Variants in BLTP1 observed in about 807,000 individuals in gnomAD.
BLTP1 encodes bridge-like lipid transfer protein family member 1, also known as fragile site-associated protein.
the BLTP1 span, among the ~76,000 whole-genome samples, chr4:122,260,613 C>T: frequency 6.6e-6 from 1 of 151,806 alleles, no homozygotes; most frequent in Admixed American, 6.6e-5. Context: ...GATACTCATA[C>T]GGCATTGATG....
the BLTP1 span, chr4:122,276,112 T>C: frequency 9.2e-7 from 1 of 1,086,562 alleles, no homozygotes; most frequent in Non-Finnish European, 1.3e-6. Context: ...TGGCTGTGAA[T>C]TATTTAGTTA....
At chr4:122,290,810 T>TACACAC in the BLTP1 span, 2 of 37,530 alleles carry the variant, frequency 5.3e-5, no homozygotes, top group African/African-American at 1.2e-4. Context: ...AAAAAAAAAA[T>TACACAC]ATACACACAC....
the BLTP1 span, among the ~76,000 whole-genome samples, chr4:122,326,317 C>A: frequency 2.4e-4 from 37 of 151,802 alleles, 1 homozygote; most frequent in Middle Eastern, 6.8e-3. Flanking sequence ...TTTTGAGTCA[C>A]TGGTGTAAAA....
the BLTP1 span, among the ~76,000 whole-genome samples, chr4:122,300,108 A>G: frequency 1.1e-4 from 16 of 152,126 alleles, no homozygotes; most frequent in Admixed American, 8.5e-4. Flanking sequence ...TCCTGGGTTC[A>G]AGTGATTCTC....
chr4:122,172,473 A>C, the BLTP1 span: 2 of 280,900 alleles, frequency 7.1e-6, no homozygotes, highest in African/African-American at 4.6e-5. Context: ...AGCATATTCA[A>C]TGACATCATA....
At chr4:122,161,141 G>T in the BLTP1 span, 51 of 984,106 alleles carry the variant, frequency 5.2e-5, no homozygotes, top group Non-Finnish European at 6.2e-5. Context: ...TTATTTTCCA[G>T]CCCTTAAAGA....
At chr4:122,220,552 T>C in the BLTP1 span, 1 of 1,172,158 alleles carries the variant, frequency 8.5e-7, no homozygotes, top group East Asian at 2.6e-5. Flanking sequence ...TTAGCTTCTG[T>C]GCATGGACTT....
the BLTP1 span, among the ~76,000 whole-genome samples, chr4:122,203,465 CAACTT>C: frequency 1.3e-5 from 2 of 151,938 alleles, no homozygotes; most frequent in Non-Finnish European, 1.5e-5. Context: ...GTTTGCCTAA[CAACTT>C]AAAGATAAAG....
chr4:122,177,566 A>G, the BLTP1 span, among the ~76,000 whole-genome samples: 1 of 152,192 alleles, frequency 6.6e-6, no homozygotes. Context: ...ATAGCTTATA[A>G]AATCCTATAT....
At chr4:122,206,040 A>T in the BLTP1 span, 2 of 983,722 alleles carry the variant, frequency 2.0e-6, no homozygotes, top group Non-Finnish European at 2.4e-6. Flanking sequence ...GATTAAAAAA[A>T]CTTAAAGTAC....
chr4:122,243,141 A>T, the BLTP1 span: 1 of 1,392,524 alleles, frequency 7.2e-7, no homozygotes, highest in Admixed American at 1.9e-5. Flanking sequence ...CTGAATAATA[A>T]TCATTCTTTA....
the BLTP1 span, chr4:122,290,956 T>C: frequency 8.4e-6 from 7 of 837,840 alleles, no homozygotes; most frequent in South Asian, 3.8e-4. Context: ...TTTCTTATGG[T>C]AAAAAAAACA....
the BLTP1 span, among the ~76,000 whole-genome samples, chr4:122,156,928 G>A: frequency 6.6e-6 from 1 of 152,248 alleles, no homozygotes; most frequent in Middle Eastern, 3.4e-3. Context: ...ATTTGTAGGA[G>A]GCAGGATAAA....
the BLTP1 span, among the ~76,000 whole-genome samples, chr4:122,258,019 C>T: frequency 1.3e-5 from 2 of 152,130 alleles, no homozygotes; most frequent in Admixed American, 1.3e-4. Flanking sequence ...TACCTGATGC[C>T]TGCTTGATCC....
the BLTP1 span, among the ~76,000 whole-genome samples, chr4:122,159,097 G>A: frequency 1.3e-5 from 2 of 152,130 alleles, no homozygotes; most frequent in Admixed American, 6.5e-5. Context: ...TGTTATTCAT[G>A]TTGGTACTTT....
chr4:122,301,041 G>A, the BLTP1 span: 2 of 972,920 alleles, frequency 2.1e-6, no homozygotes, highest in East Asian at 1.1e-4. Context: ...TGTTTTCTGA[G>A]ATGTATAAAC....
the BLTP1 span, among the ~76,000 whole-genome samples, chr4:122,322,452 T>G: frequency 1.3e-5 from 2 of 152,056 alleles, no homozygotes; most frequent in Non-Finnish European, 2.9e-5. Context: ...TTAGAGCCCT[T>G]GGCATAGTAA....
chr4:122,246,643 T>C, the BLTP1 span: 2 of 1,585,506 alleles, frequency 1.3e-6, no homozygotes, highest in Non-Finnish European at 1.7e-6. Context: ...TAAGTGGTAA[T>C]TTTTCACTTG....
chr4:122,354,597 T>C, the BLTP1 span, among the ~76,000 whole-genome samples: 4 of 152,000 alleles, frequency 2.6e-5, no homozygotes, highest in African/African-American at 9.7e-5. Flanking sequence ...TCTCTGTGTA[T>C]TGGAAAGCTG....
Sources: allele counts gnomAD v4.1 joint callset (sites outside exome capture counted in the v4.1 genomes callset), GRCh38; gene constraint gnomAD v4.1.1; transcripts MANE v1.5; gene names NCBI Gene and HGNC (gene_info 2026-07-23, HGNC 2026-07-21).